Variants in DHRSX observed in about 807,000 individuals in gnomAD.
The protein encoded by DHRSX is dehydrogenase/reductase X-linked.
A neutral mutation model predicts 34.0 loss-of-function variants in DHRSX; 31 were observed. That is an observed-to-expected ratio of 0.91 (90% CI 0.69 to 1.23). The LOEUF is 1.23. DHRSX is among the 50% of genes most tolerant of loss of function. The pLI, the probability that DHRSX is intolerant of heterozygous loss-of-function variation, is 0.00. For synonymous variants in DHRSX, 201 were observed against 183.8 expected (o/e 1.09, Z -0.76); for missense variants, 414 against 428.1 (o/e 0.97, Z 0.29).
chrX:2,233,626 A>G (rs1288376434), intron 6 of DHRSX, among the ~76,000 whole-genome samples: 1 of 152,158 alleles, frequency 6.6e-6, no homozygotes, highest in Admixed American at 6.6e-5. Flanking sequence ...AACTTCATTC[A>G]GTCCAATGAA....
At chrX:2,274,389 C>G (rs2041597163) in intron 4 of DHRSX, among the ~76,000 whole-genome samples, 1 of 151,538 alleles carries the variant, frequency 6.6e-6, no homozygotes, top group Non-Finnish European at 1.5e-5. Context: ...GTCAACCAAG[C>G]TGGAGTGCAG....
chrX:2,263,094 G>A (rs1254195163), intron 5 of DHRSX, among the ~76,000 whole-genome samples: 3 of 152,238 alleles, frequency 2.0e-5, no homozygotes, highest in Non-Finnish European at 2.9e-5. Flanking sequence ...GTCTGATGCT[G>A]GCACAGCCAA....
chrX:2,321,844 CATCTT>C (rs1272391943), intron 3 of DHRSX, among the ~76,000 whole-genome samples: 2 of 152,114 alleles, frequency 1.3e-5, no homozygotes, highest in South Asian at 2.1e-4. Context: ...TGTCCGCTCT[CATCTT>C]AGGCTACTCA....
At chrX:2,482,104 C>T (rs978155440) in intron 1 of DHRSX, among the ~76,000 whole-genome samples, 15 of 148,724 alleles carry the variant, frequency 1.0e-4, no homozygotes, top group Non-Finnish European at 1.8e-4. Context: ...TAGCTGTGAC[C>T]ACACACGTGT....
chrX:2,248,636 AAG>A (rs2016359188), intron 5 of DHRSX, among the ~76,000 whole-genome samples: 1 of 121,498 alleles, frequency 8.2e-6, no homozygotes, highest in African/African-American at 2.6e-5. Context: ...AGAAAAAGAA[AAG>A]AAAAGAAAAA....
intron 1 of DHRSX, among the ~76,000 whole-genome samples, chrX:2,459,597 A>G (rs1427673946): frequency 1.3e-5 from 2 of 148,980 alleles, no homozygotes; most frequent in African/African-American, 2.4e-5. Flanking sequence ...CATACAATAT[A>G]TATATACACA....
intron 1 of DHRSX, among the ~76,000 whole-genome samples, chrX:2,432,063 T>C (rs1411618639): frequency 6.6e-6 from 1 of 151,958 alleles, no homozygotes; most frequent in African/African-American, 2.4e-5. Context: ...TGGTGGTGTG[T>C]GCCACCTGTA....
At chrX:2,386,677 G>C (rs1455782035) in intron 3 of DHRSX, among the ~76,000 whole-genome samples, 1 of 152,132 alleles carries the variant, frequency 6.6e-6, no homozygotes, top group Non-Finnish European at 1.5e-5. Context: ...CCCAGGAGGA[G>C]GTAATCAAAT....
At chrX:2,489,649 C>G (rs768361111) in intron 1 of DHRSX, 2 of 1,612,402 alleles carry the variant, frequency 1.2e-6, no homozygotes, top group Admixed American at 1.7e-5. Context: ...GCATGGCCAG[C>G]GTGCTCCCCC....
intron 1 of DHRSX, among the ~76,000 whole-genome samples, chrX:2,429,111 T>C (rs2124654482): frequency 6.6e-6 from 1 of 152,316 alleles, no homozygotes; most frequent in East Asian, 1.9e-4. Context: ...GGTGTATCCC[T>C]CGTAACCTGA....
chrX:2,447,064 T>A (rs1342273929), intron 1 of DHRSX, among the ~76,000 whole-genome samples: 1 of 151,332 alleles, frequency 6.6e-6, no homozygotes, highest in Non-Finnish European at 1.5e-5. Flanking sequence ...TCCCTAAGCA[T>A]GTGGCTAAGG....
chrX:2,371,648 CA>C, intron 3 of DHRSX, among the ~76,000 whole-genome samples: 1 of 148,962 alleles, frequency 6.7e-6, no homozygotes, highest in South Asian at 2.1e-4. Flanking sequence ...CCATAGTCCA[CA>C]CTCCTCCCCT....
chrX:2,433,542 G>T lies in DHRSX; in HGVS notation c.110-8238C>A, dbSNP rs184630872. Among the ~76,000 whole-genome samples the T allele has an allele frequency of 1.6e-3, 249 of 151,978 alleles. 1 individual carries two copies. Among genetic ancestry groups the T allele is most frequent in the African/African-American group, 5.4e-3 (222 of 41,474 alleles). ...ATGCATTAGGTATTTGTCCTAATGC[G>T]CTCCCTCTCCTTGTTCCCCAGCCCC... On this transcript the variant is annotated intron_variant, in intron 1 of 6. Coordinates refer to ENST00000334651, the MANE Select transcript of DHRSX (RefSeq NM_145177.3).
intron 3 of DHRSX, among the ~76,000 whole-genome samples, chrX:2,357,083 A>C (rs1229150627): frequency 6.6e-6 from 1 of 152,084 alleles, no homozygotes; most frequent in East Asian, 1.9e-4. Flanking sequence ...GTCTCTACTG[A>C]AAATACAAAA....
At chrX:2,459,395 A>G (rs762927445) in intron 1 of DHRSX, among the ~76,000 whole-genome samples, 45 of 151,902 alleles carry the variant, frequency 3.0e-4, no homozygotes, top group African/African-American at 1.1e-3. Context: ...TAATTAGGTC[A>G]ATGGTTAATA....
intron 3 of DHRSX, among the ~76,000 whole-genome samples, chrX:2,370,803 T>G (rs1216978633): frequency 6.6e-6 from 1 of 152,104 alleles, no homozygotes; most frequent in Admixed American, 6.6e-5. Context: ...CCCCGGGATG[T>G]TGGGCCAGCC....
At chrX:2,388,359 T>C (rs1451663147) in intron 3 of DHRSX, among the ~76,000 whole-genome samples, 1 of 151,986 alleles carries the variant, frequency 6.6e-6, no homozygotes, top group Non-Finnish European at 1.5e-5. Flanking sequence ...AAAGAGGCAA[T>C]TAAGGTAAAA....
chrX:2,296,055 G>A (rs1490469915), intron 3 of DHRSX, among the ~76,000 whole-genome samples: 2 of 152,060 alleles, frequency 1.3e-5, no homozygotes, highest in African/African-American at 4.8e-5. Flanking sequence ...TGAACCCCAA[G>A]CCACGCCGGG....
At chrX:2,341,754 A>AAAT (rs925654377) in intron 3 of DHRSX, among the ~76,000 whole-genome samples, 14 of 152,314 alleles carry the variant, frequency 9.2e-5, no homozygotes, top group Non-Finnish European at 2.1e-4. Flanking sequence ...CCCTGATAAG[A>AAAT]AATAAAATAT....
Sources: allele counts gnomAD v4.1 joint callset (sites outside exome capture counted in the v4.1 genomes callset), GRCh38; gene constraint gnomAD v4.1.1; transcripts MANE v1.5; gene names NCBI Gene and HGNC (gene_info 2026-07-23, HGNC 2026-07-21).